The following CGB7 variants were observed in gnomAD, a reference collection of about 807,000 sequenced individuals.
CGB7 encodes choriogonadotropin subunit beta 7.
A neutral mutation model predicts 7.3 loss-of-function variants in CGB7; 6 were observed. The observed-to-expected ratio is 0.82, with a 90% CI of 0.45 to 1.62. The LOEUF (loss-of-function observed/expected upper bound fraction) is 1.62, where lower values mean the gene tolerates loss of function less well. Among genes scored for constraint, CGB7 ranks in the 40% most tolerant of loss-of-function variants. The pLI is 0.01. For missense variants in CGB7, 114 were observed against 236.2 expected (o/e 0.48, Z 3.39); for synonymous variants, 47 against 100.8 (o/e 0.47, Z 3.20).
chr19:49,055,520 C>T lies in CGB7; in HGVS notation c.-145G>A. On this transcript the variant is annotated 5_prime_UTR_variant, in exon 3 of 5. The change creates a new upstream start codon in the 5' untranslated region. Transcript: ENST00000684222. The stretch of plus-strand genomic sequence containing the variant: ...AGAAGTAGACAAGGCCAGGGAGGCA[C>T]AGGAGTGGCTCAGCGGAGCACCCCA... The T allele has an allele frequency of 6.3e-7, 1 of 1,589,318 alleles. No individual in the cohort carries two copies. The highest frequency in any genetic ancestry group is 8.6e-7 in the Non-Finnish European group (1 of 1,166,456).
At position 49,057,210 on chromosome 19, in the gene CGB7, G is replaced by A. The variant is rs1340476465; in HGVS notation, c.-1310C>T. The A allele has an allele frequency of 4.6e-6, 7 of 1,534,222 alleles. No homozygotes were observed. The highest frequency in any genetic ancestry group is 6.1e-6 in the Non-Finnish European group (7 of 1,146,300). ...CCCGGTCGGATACTGTGAAGGGTGG[G>A]CCAGACAGCGCGGGGTTCTTCGTGC... is the stretch of plus-strand genomic sequence containing the variant. On this transcript the variant is annotated 5_prime_UTR_variant, in exon 2 of 5. Transcript: ENST00000684222.
At position 49,057,592 on chromosome 19, in the gene CGB7, G is replaced by T; in HGVS notation, c.-1479C>A. 1 of 1,163,696 alleles carries T rather than the reference G, an allele frequency of 8.6e-7. No homozygotes were observed. 72.1% of individuals were successfully genotyped at this position (1,163,696 alleles called of 1,614,324 possible). A position where few individuals can be genotyped will look rare whatever the true frequency, so the allele number is the denominator to read the frequency against. ...GGCCACTGGAGCTGAGCTGCATCTT[G>T]GGCAACAACTCCAGGTTACCTCTCC... On this transcript the variant is annotated 5_prime_UTR_variant, in exon 1 of 5. Transcript: ENST00000684222.
In CGB7 at chr19:49,057,718, C is replaced by T; in HGVS notation, c.-1605G>A. 1 of 1,300,716 alleles carries T rather than the reference C, an allele frequency of 7.7e-7. No homozygotes were observed. The highest frequency in any genetic ancestry group is 3.8e-5 in the Admixed American group (1 of 26,048). The allele number at this position is 1,300,716 out of a possible 1,614,324, so 80.6% of individuals were successfully genotyped here. ...GCTTAGGAGCCCTGAAGGCGAGTTTCCAGCCCCTGGTCCTTCTGGCCTGGC... is the reference window on the plus strand; with the variant it reads ...GCTTAGGAGCCCTGAAGGCGAGTTTTCAGCCCCTGGTCCTTCTGGCCTGGC... On this transcript the variant is annotated 5_prime_UTR_variant, in exon 1 of 5. Transcript: ENST00000684222.
Position 49,055,455 on chromosome 19 carries a change from G to C in CGB7, c.-80C>G. ...GCGTCAAGGCCACCAGGAGGTTGTAGGATGCTGGAGTGAGCTGGACACTAA... is the reference window on the plus strand; with the variant it reads ...GCGTCAAGGCCACCAGGAGGTTGTACGATGCTGGAGTGAGCTGGACACTAA... On this transcript the variant is annotated 5_prime_UTR_variant, in exon 3 of 5. Coordinates refer to ENST00000684222, the MANE Select transcript of CGB7 (RefSeq NM_001385261.1). The C allele has an allele frequency of 1.2e-6, 2 of 1,607,752 alleles. No individual in the cohort carries two copies. The highest frequency in any genetic ancestry group is 1.7e-6 in the Non-Finnish European group (2 of 1,176,528).
chr19:49,056,338 T>G lies in CGB7; in HGVS notation c.-963A>C, dbSNP rs1471721434. The G allele has an allele frequency of 7.0e-6, 9 of 1,294,918 alleles. No individual in the cohort carries two copies. Among genetic ancestry groups the G allele is most frequent in the Non-Finnish European group, 8.1e-6 (8 of 992,036 alleles). 80.2% of individuals were successfully genotyped at this position (1,294,918 alleles called of 1,614,324 possible). ...TGCTGTAGGCTTTCGGGACGCTGTG[T>G]ATGCCCGGCAGGGGCTTCCAGTGGG... On this transcript the variant is annotated 5_prime_UTR_variant, in exon 3 of 5. Coordinates refer to ENST00000684222, the MANE Select transcript of CGB7 (RefSeq NM_001385261.1).
Position 49,057,730 on chromosome 19 carries a change from C to G in CGB7, c.-1617G>C. 1.5e-6 allele frequency: 2 copies of G among 1,318,334 alleles called. No individual in the cohort carries two copies. Among genetic ancestry groups the G allele is most frequent in the South Asian group, 3.7e-5 (2 of 54,114 alleles). 81.7% of individuals were successfully genotyped at this position (1,318,334 alleles called of 1,614,324 possible). A position where few individuals can be genotyped will look rare whatever the true frequency, so the allele number is the denominator to read the frequency against. Reference sequence around the variant, plus strand: ...TGAAGGCGAGTTTCCAGCCCCTGGTCCTTCTGGCCTGGCGTGGATGCCCAG... The same window carrying G: ...TGAAGGCGAGTTTCCAGCCCCTGGTGCTTCTGGCCTGGCGTGGATGCCCAG... On this transcript the variant is annotated 5_prime_UTR_variant, in exon 1 of 5. Transcript: ENST00000684222.
rs552581893 is a variant in CGB7 at position 49,056,310 on chromosome 19, C to A, written c.-935G>T. 4 of 1,293,414 alleles carry A rather than the reference C, an allele frequency of 3.1e-6. No individual in the cohort carries two copies. Among genetic ancestry groups the A allele is most frequent in the South Asian group, 1.2e-5 (1 of 81,840 alleles). The allele number at this position is 1,293,414 out of a possible 1,614,324, so 80.1% of individuals were successfully genotyped here. A position where few individuals can be genotyped will look rare whatever the true frequency, so the allele number is the denominator to read the frequency against. ...TTACAGCGGCCTGAGCGGGAGTTCT[C>A]GGTGCTGTAGGCTTTCGGGACGCTG... On this transcript the variant is annotated 5_prime_UTR_variant, in exon 3 of 5. The change creates a premature stop within an existing upstream ORF in the 5' untranslated region. Transcript: ENST00000684222.
intron 3 of CGB7, 35 bp from the exon 4 acceptor site, chr19:49,055,043 A>T (rs769452255): frequency 6.2e-7 from 1 of 1,601,056 alleles, no homozygotes; most frequent in Non-Finnish European, 8.5e-7. Flanking sequence ...CGGGCCTGAG[A>T]CCACAGCCCT....
Position 49,055,370 on chromosome 19 carries a change from C to G in CGB7, c.6G>C (p.Glu2Asp). The G allele has an allele frequency of 6.2e-7, 1 of 1,613,368 alleles. No homozygotes were observed. The highest frequency in any genetic ancestry group is 8.5e-7 in the Non-Finnish European group (1 of 1,179,782). Residue 2 changes from glutamate (E) to aspartate (D), a missense_variant, in exon 3 of 5, where the codon GAG becomes GAC. Physicochemically the swap from Glu to Asp is conservative, Grantham distance 45. Transcript: ENST00000684222. ...GGCCCTGCAGTCTTACCTGGAACAT[C>G]TCCATCCTTGGTGCGTCCCCTGCCT... M[E>D]MFQGLLLLLL...
rs2040047133 is a variant in CGB7 at position 49,055,486 on chromosome 19, C to T, written c.-111G>A. 17 of 1,604,946 alleles carry T rather than the reference C, an allele frequency of 1.1e-5. No homozygotes were observed. The highest frequency in any genetic ancestry group is 6.7e-5 in the East Asian group (3 of 44,800). ...TGGAGTGAGCTGGACACTAACCCTT[C>T]GGGGGGCGAGAAGTAGACAAGGCCA... On this transcript the variant is annotated 5_prime_UTR_variant, in exon 3 of 5. Transcript: ENST00000684222.
chr19:49,055,489 G>A lies in CGB7; in HGVS notation c.-114C>T. 5 of 1,604,560 alleles carry A rather than the reference G, an allele frequency of 3.1e-6. No individual in the cohort carries two copies. Among genetic ancestry groups the A allele is most frequent in the Non-Finnish European group, 4.3e-6 (5 of 1,173,942 alleles). ...AGTGAGCTGGACACTAACCCTTCGG[G>A]GGGCGAGAAGTAGACAAGGCCAGGG... On this transcript the variant is annotated 5_prime_UTR_variant, in exon 3 of 5. Transcript: ENST00000684222.
In CGB7 at chr19:49,054,810, G is replaced by A. The variant is rs767052373; in HGVS notation, c.183+31C>T. 1.3e-5 allele frequency: 20 copies of A among 1,558,314 alleles called. No individual in the cohort carries two copies. The South Asian group carries it at 2.1e-4, about 16-fold the overall frequency. Reference sequence around the variant, plus strand: ...CCTCTGTGGGTCTGGCCCTGAGGTGGCAGCACCTGCCCGGGCCCCGGGCAG... The same window carrying A: ...CCTCTGTGGGTCTGGCCCTGAGGTGACAGCACCTGCCCGGGCCCCGGGCAG... On this transcript the variant is annotated intron_variant, in intron 4 of 4. Coordinates refer to ENST00000684222, the MANE Select transcript of CGB7 (RefSeq NM_001385261.1).
Position 49,057,240 on chromosome 19 carries a change from G to T in CGB7, c.-1340C>A, listed in dbSNP as rs534687716. On this transcript the variant is annotated 5_prime_UTR_variant, in exon 2 of 5. Coordinates refer to ENST00000684222, the MANE Select transcript of CGB7 (RefSeq NM_001385261.1). ...ACAGCGCGGGGTTCTTCGTGCAGGCGATTAGAGCCTGAGCAAGATTGGGGG... is the reference window on the plus strand; with the variant it reads ...ACAGCGCGGGGTTCTTCGTGCAGGCTATTAGAGCCTGAGCAAGATTGGGGG... 2.6e-6 allele frequency: 4 copies of T among 1,533,268 alleles called. No individual in the cohort carries two copies. The highest frequency in any genetic ancestry group is 3.5e-6 in the Non-Finnish European group (4 of 1,145,852). The allele number at this position is 1,533,268 out of a possible 1,614,324, so 95.0% of individuals were successfully genotyped here. A position where few individuals can be genotyped will look rare whatever the true frequency, so the allele number is the denominator to read the frequency against.
intron 4 of CGB7, 61 bp downstream of exon 4, chr19:49,054,780 C>G: frequency 2.0e-6 from 3 of 1,474,200 alleles, no homozygotes; most frequent in Non-Finnish European, 1.8e-6. Flanking sequence ...CTTCCTCCCC[C>G]GCTGCCTCTG....
In CGB7 at chr19:49,057,694, C is replaced by T. The variant is rs567721319; in HGVS notation, c.-1581G>A. 1.6e-5 allele frequency: 20 copies of T among 1,278,462 alleles called. No homozygotes were observed. Among genetic ancestry groups the T allele is most frequent in the Middle Eastern group, 3.1e-4 (1 of 3,254 alleles). The allele number at this position is 1,278,462 out of a possible 1,614,324, so 79.2% of individuals were successfully genotyped here. A position where few individuals can be genotyped will look rare whatever the true frequency, so the allele number is the denominator to read the frequency against. ...AGCCCGCCGTCTAGCTCCGCAGCAG[C>T]TTAGGAGCCCTGAAGGCGAGTTTCC... On this transcript the variant is annotated 5_prime_UTR_variant, in exon 1 of 5. Transcript: ENST00000684222.
chr19:49,056,225 C>T lies in CGB7; in HGVS notation c.-850G>A, dbSNP rs2040060727. 7.8e-7 allele frequency: 1 copy of T among 1,287,426 alleles called. No homozygotes were observed. The highest frequency in any genetic ancestry group is 1.5e-5 in the African/African-American group (1 of 65,892). The allele number at this position is 1,287,426 out of a possible 1,614,324, so 79.8% of individuals were successfully genotyped here. A position where few individuals can be genotyped will look rare whatever the true frequency, so the allele number is the denominator to read the frequency against. The stretch of plus-strand genomic sequence containing the variant: ...CGGCTGCCCAGAGCTCTGCTCCGCC[C>T]CCACGCCAGGGGGCGTGTCTGGGGT... On this transcript the variant is annotated 5_prime_UTR_variant, in exon 3 of 5. Coordinates refer to ENST00000684222, the MANE Select transcript of CGB7 (RefSeq NM_001385261.1).
At position 49,056,025 on chromosome 19, in the gene CGB7, C is replaced by G; in HGVS notation, c.-650G>C. The G allele has an allele frequency of 6.0e-6, 7 of 1,158,058 alleles. No homozygotes were observed. Among genetic ancestry groups the G allele is most frequent in the South Asian group, 1.8e-5 (1 of 56,330 alleles). 71.7% of individuals were successfully genotyped at this position (1,158,058 alleles called of 1,614,324 possible). Reference sequence around the variant, plus strand: ...GATTTAACTGATTATTGAATAGGCCCGCAGGAGGTGTGTCCTGCCCGCGGG... The same window carrying G: ...GATTTAACTGATTATTGAATAGGCCGGCAGGAGGTGTGTCCTGCCCGCGGG... On this transcript the variant is annotated 5_prime_UTR_variant, in exon 3 of 5. Coordinates refer to ENST00000684222, the MANE Select transcript of CGB7 (RefSeq NM_001385261.1).
rs1204414697 is a variant in CGB7, at chr19:49,056,473, C to G, written c.-1098G>C. The G allele has an allele frequency of 3.8e-6, 5 of 1,300,538 alleles. No homozygotes were observed. The highest frequency in any genetic ancestry group is 1.5e-5 in the African/African-American group (1 of 66,100). The allele number at this position is 1,300,538 out of a possible 1,614,324, so 80.6% of individuals were successfully genotyped here. On this transcript the variant is annotated 5_prime_UTR_variant, in exon 3 of 5. Coordinates refer to ENST00000684222, the MANE Select transcript of CGB7 (RefSeq NM_001385261.1). ...GAGACATGGCCCGCCGTGCGGCGCT[C>G]GAGGCGGCCTGGAAGAGCAGAGACA...
Position 49,056,575 on chromosome 19 carries a change from G to T in CGB7, c.-1200C>A. The T allele has an allele frequency of 4.6e-6, 6 of 1,295,380 alleles. No individual in the cohort carries two copies. The highest frequency in any genetic ancestry group is 6.0e-6 in the Non-Finnish European group (6 of 992,138). The allele number at this position is 1,295,380 out of a possible 1,614,324, so 80.2% of individuals were successfully genotyped here. On this transcript the variant is annotated 5_prime_UTR_variant, in exon 3 of 5. Coordinates refer to ENST00000684222, the MANE Select transcript of CGB7 (RefSeq NM_001385261.1). Reference sequence around the variant, plus strand: ...CCAGTAGGTCAGGTAGTCCTTGCGGGGGTATCCGGACGGCTCCGTCCTGTG... The same window carrying T: ...CCAGTAGGTCAGGTAGTCCTTGCGGTGGTATCCGGACGGCTCCGTCCTGTG...
Sources: allele counts gnomAD v4.1 joint callset, GRCh38; gene constraint gnomAD v4.1.1; transcripts MANE v1.5; gene names NCBI Gene and HGNC (gene_info 2026-07-23, HGNC 2026-07-21).